The following SLC24A2 variants were observed in gnomAD, a reference collection of about 807,000 sequenced individuals.
The protein encoded by SLC24A2 is sodium/potassium/calcium exchanger 2.
Under a neutral mutation model 62.0 loss-of-function variants are expected in SLC24A2, and 36 were observed. The ratio of observed to expected loss-of-function variants is 0.58; its 90% CI spans 0.44 to 0.77. The LOEUF is 0.77. Ranked by LOEUF, SLC24A2 falls within the 30% of genes least tolerant of loss-of-function variation. The pLI is 0.00. For synonymous variants in SLC24A2, 358 were observed against 294.0 expected, an observed-to-expected ratio of 1.22 and a Z score of -2.23; for missense variants, 846 against 817.9, an observed-to-expected ratio of 1.03 and a Z score of -0.42.
At chr9:20,052,529 C>G in the SLC24A2 span, among the ~76,000 whole-genome samples, 2 of 152,224 alleles carry the variant, frequency 1.3e-5, no homozygotes, top group East Asian at 3.9e-4. Context: ...CCCGTTTTTT[C>G]CATGGGTTTT....
At chr9:20,258,724 A>G in the SLC24A2 span, among the ~76,000 whole-genome samples, 1 of 151,848 alleles carries the variant, frequency 6.6e-6, no homozygotes, top group South Asian at 2.1e-4. Context: ...CTCAGCCTCC[A>G]TTATCTTGTA....
At chr9:20,049,421 A>G in the SLC24A2 span, among the ~76,000 whole-genome samples, 1 of 152,108 alleles carries the variant, frequency 6.6e-6, no homozygotes, top group African/African-American at 2.4e-5. Context: ...TAAATAGTAT[A>G]CTAAACTAAA....
At chr9:20,095,280 T>C in the SLC24A2 span, among the ~76,000 whole-genome samples, 2,933 of 152,320 alleles carry the variant, frequency 0.019, 85 homozygotes, top group African/African-American at 0.067. Flanking sequence ...ATAAAGATAA[T>C]CTATGTAAAC....
At chr9:19,740,976 T>C (rs1821658959) in intron 2 of SLC24A2, among the ~76,000 whole-genome samples, 1 of 152,172 alleles carries the variant, frequency 6.6e-6, no homozygotes, top group Admixed American at 6.6e-5. Flanking sequence ...ACAGTTTTAT[T>C]GGCTTTATCT....
At chr9:19,940,577 C>T in the SLC24A2 span, among the ~76,000 whole-genome samples, 4 of 152,234 alleles carry the variant, frequency 2.6e-5, no homozygotes, top group African/African-American at 9.6e-5. Flanking sequence ...TACCCCCAAC[C>T]CCAAAAGGCT....
chr9:19,550,222 G>A lies in SLC24A2; in HGVS notation c.1394C>T (p.Ser465Phe), dbSNP rs1419559288. The change falls in exon 8 of 11, where the codon TCT becomes TTT. Residue 465 changes from serine to phenylalanine, a missense_variant. Coordinates refer to ENST00000341998, the MANE Select transcript of SLC24A2 (RefSeq NM_020344.4). ...AAACGTGACTTGCTTGCGGGTTTCA[G>A]AAGGCCAGGCAAGGCTGAGAGGCTG... The part of the protein sequence containing the change: ...EDQPLSLAWP[S>F]ETRKQVTFLI... The A allele has an allele frequency of 6.2e-7, 1 of 1,614,166 alleles. No individual in the cohort carries two copies. Among genetic ancestry groups the A allele is most frequent in the Non-Finnish European group, 8.5e-7 (1 of 1,180,006 alleles).
chr9:19,790,472 C>A (rs1823302295), upstream of SLC24A2, among the ~76,000 whole-genome samples: 1 of 134,814 alleles, frequency 7.4e-6, no homozygotes, highest in African/African-American at 2.8e-5. Flanking sequence ...AGGGTTGTGT[C>A]AAGAAGGGGA....
chr9:19,897,044 G>A, the SLC24A2 span, among the ~76,000 whole-genome samples: 1 of 152,130 alleles, frequency 6.6e-6, no homozygotes, highest in Non-Finnish European at 1.5e-5. Context: ...TACACTGATA[G>A]AACTTGGAGG....
At chr9:20,207,881 A>G in the SLC24A2 span, among the ~76,000 whole-genome samples, 24 of 152,360 alleles carry the variant, frequency 1.6e-4, no homozygotes, top group Non-Finnish European at 2.9e-4. Flanking sequence ...TACATGCACA[A>G]GTTTCTACAG....
chr9:20,100,009 T>C, the SLC24A2 span, among the ~76,000 whole-genome samples: 1 of 151,960 alleles, frequency 6.6e-6, no homozygotes, highest in Non-Finnish European at 1.5e-5. Context: ...ATCCTTTTCT[T>C]CTCCTATTCA....
chr9:19,644,567 A>C (rs1306642172), intron 2 of SLC24A2, among the ~76,000 whole-genome samples: 4 of 152,206 alleles, frequency 2.6e-5, no homozygotes, highest in African/African-American at 9.6e-5. Flanking sequence ...GGCAGTCTAG[A>C]TTCAAGGTCT....
At chr9:19,624,260 C>T (rs1442182197) in intron 2 of SLC24A2, among the ~76,000 whole-genome samples, 2 of 152,060 alleles carry the variant, frequency 1.3e-5, no homozygotes, top group African/African-American at 2.4e-5. Flanking sequence ...CACCTTGTGG[C>T]TAAATGGGAG....
At chr9:19,947,378 A>G in the SLC24A2 span, among the ~76,000 whole-genome samples, 1 of 151,128 alleles carries the variant, frequency 6.6e-6, no homozygotes. Flanking sequence ...AGAAGGAAGG[A>G]AGGAAGGAAG....
intron 2 of SLC24A2, among the ~76,000 whole-genome samples, chr9:19,739,746 T>C (rs1213117561): frequency 3.3e-5 from 5 of 152,106 alleles, no homozygotes; most frequent in Non-Finnish European, 1.5e-5. Flanking sequence ...CTTTATGACA[T>C]TGGGGTAGAC....
chr9:19,942,686 C>G, the SLC24A2 span, among the ~76,000 whole-genome samples: 1 of 152,160 alleles, frequency 6.6e-6, no homozygotes, highest in East Asian at 1.9e-4. Flanking sequence ...TCAAAAGTAT[C>G]CTAAGGCCAC....
At chr9:19,685,428 AC>A (rs2118423491) in intron 2 of SLC24A2, among the ~76,000 whole-genome samples, 2 of 152,250 alleles carry the variant, frequency 1.3e-5, no homozygotes, top group Admixed American at 1.3e-4. Flanking sequence ...ATTATATGGA[AC>A]CAAAAAGGAG....
the SLC24A2 span, among the ~76,000 whole-genome samples, chr9:20,254,338 T>A: frequency 6.6e-6 from 1 of 152,172 alleles, no homozygotes; most frequent in African/African-American, 2.4e-5. Flanking sequence ...AAAATCAATT[T>A]AATGAGCATT....
At chr9:19,774,073 G>T (rs1024999077) in intron 2 of SLC24A2, among the ~76,000 whole-genome samples, 6 of 152,118 alleles carry the variant, frequency 3.9e-5, no homozygotes, top group Non-Finnish European at 8.8e-5. Context: ...AAGTAGGCAA[G>T]GCCCTGAAAT....
the SLC24A2 span, among the ~76,000 whole-genome samples, chr9:19,858,294 C>T: frequency 6.6e-6 from 1 of 152,128 alleles, no homozygotes; most frequent in Non-Finnish European, 1.5e-5. Context: ...GAATAATTGG[C>T]TAGCCATATG....
Sources: allele counts gnomAD v4.1 joint callset (sites outside exome capture counted in the v4.1 genomes callset), GRCh38; gene constraint gnomAD v4.1.1; transcripts MANE v1.5; gene names NCBI Gene and HGNC (gene_info 2026-07-23, HGNC 2026-07-21).